B3GNT6: variants seen among roughly 807,000 people sequenced by gnomAD.
B3GNT6 encodes acetylgalactosaminyl-O-glycosyl-glycoprotein beta-1,3-N-acetylglucosaminyltransferase.
For synonymous variants in B3GNT6, 300 were observed against 270.0 expected (o/e 1.11, Z -1.09); for missense variants, 624 against 568.6 (o/e 1.10, Z -0.99).
chr11:77,039,942 G>T lies in B3GNT6; in HGVS notation c.391G>T (p.Glu131Ter), dbSNP rs1363113882. The change falls in exon 2 of 2, where the codon GAG becomes TAG. Residue 131 changes from glutamate (E) to a stop codon, truncating the protein, a stop_gained. Transcript: ENST00000622824. LOFTEE classifies it low-confidence loss of function (END_TRUNC). ...GGTGAAGTCGGCGCCTGAGCACTAC[G>T]AGCGACGCGAGCTCATCCGGCGCAC... ...LAVKSAPEHY[E>*]RRELIRRTWG... 1.9e-6 allele frequency: 3 copies of T among 1,592,154 alleles called. 1 individual carries two copies. In the South Asian group the frequency reaches 3.3e-5, roughly 18 times the overall value.
At position 77,039,853 on chromosome 11, in the gene B3GNT6, T is replaced by G; in HGVS notation, c.302T>G (p.Phe101Cys). Reference protein sequence around the residue: ...DFLRYRHCRHFPLLWDAPAKC... With the variant: ...DFLRYRHCRHCPLLWDAPAKC... ...CTGCGGTACCGCCACTGCCGCCACT[T>G]CCCGCTGCTTTGGGACGCACCGGCC... Residue 101 changes from phenylalanine (F) to cysteine (C), a missense_variant, in exon 2 of 2, where the codon TTC (phenylalanine) becomes TGC (cysteine). Coordinates refer to ENST00000622824, the MANE Select transcript of B3GNT6 (RefSeq NM_138706.5). 1 of 1,585,408 alleles carries G rather than the reference T, an allele frequency of 6.3e-7. No homozygotes were observed. The highest frequency in any genetic ancestry group is 8.5e-7 in the Non-Finnish European group (1 of 1,173,332).
At position 77,039,675 on chromosome 11, in the gene B3GNT6, T is replaced by G; in HGVS notation, c.124T>G (p.Ser42Ala). 1 of 1,611,946 alleles carries G rather than the reference T, an allele frequency of 6.2e-7. No individual in the cohort carries two copies. Among genetic ancestry groups the G allele is most frequent in the Non-Finnish European group, 8.5e-7 (1 of 1,179,452 alleles). Residue 42 changes from serine to alanine, a missense_variant, in exon 2 of 2, where the codon TCC becomes GCC. Physicochemically the swap from Ser to Ala is moderately conservative, Grantham distance 99. Transcript: ENST00000622824. ...QAPRSPREER[S>A]PQEETPEGPT... Reference sequence around the variant, plus strand: ...GCCAAGGTCCCCGCGGGAGGAGAGGTCCCCGCAGGAGGAGACGCCAGAGGG... The same window carrying G: ...GCCAAGGTCCCCGCGGGAGGAGAGGGCCCCGCAGGAGGAGACGCCAGAGGG...
chr11:77,040,840 G>A lies in B3GNT6; in HGVS notation c.*134G>A. 7.4e-7 allele frequency: 1 copy of A among 1,358,764 alleles called. No homozygotes were observed. The highest frequency in any genetic ancestry group is 9.6e-7 in the Non-Finnish European group (1 of 1,046,326). The allele number at this position is 1,358,764 out of a possible 1,614,324, so 84.2% of individuals were successfully genotyped here. A position where few individuals can be genotyped will look rare whatever the true frequency, so the allele number is the denominator to read the frequency against. The stretch of plus-strand genomic sequence containing the variant: ...CCAGCTGCGCACTGAAATCAGCTGG[G>A]GTGGGGGGTGTGGAAAATGCCTACA... On this transcript the variant is annotated 3_prime_UTR_variant, in exon 2 of 2. Coordinates refer to ENST00000622824, the MANE Select transcript of B3GNT6 (RefSeq NM_138706.5).
chr11:77,037,846 C>G (rs192915952), intron 1 of B3GNT6, among the ~76,000 whole-genome samples: 1 of 135,948 alleles, frequency 7.4e-6, no homozygotes, highest in African/African-American at 2.8e-5. Context: ...CTGGGAAGTG[C>G]GGACTGCAGT....
rs368100863 is a variant in B3GNT6, at chr11:77,040,291, C to G, written c.740C>G (p.Ser247Cys). Residue 247 changes from serine (S) to cysteine (C), a missense_variant, in exon 2 of 2, where the codon TCC becomes TGC. Ser to Cys is a moderately radical substitution (Grantham distance 112, BLOSUM62 -1). Coordinates refer to ENST00000622824, the MANE Select transcript of B3GNT6 (RefSeq NM_138706.5). ...CAGCCACCCGGCCGCCACCTGTTCT[C>G]CGGCCAGCTCATGGAGGGCTCCGTG... The part of the protein sequence containing the change: ...QAQPPGRHLF[S>C]GQLMEGSVPI... 46 of 1,590,774 alleles carry G rather than the reference C, an allele frequency of 2.9e-5. No individual in the cohort carries two copies. The highest frequency in any genetic ancestry group is 1.8e-4 in the South Asian group (16 of 89,560).
chr11:77,036,732 T>A (rs182189120), intron 1 of B3GNT6, among the ~76,000 whole-genome samples: 20 of 152,308 alleles, frequency 1.3e-4, no homozygotes, highest in African/African-American at 4.8e-4. Context: ...GGCAGTGGAA[T>A]TTGAATCCAG....
At chr11:77,038,806 G>C (rs782021620) in intron 1 of B3GNT6, among the ~76,000 whole-genome samples, 1 of 152,126 alleles carries the variant, frequency 6.6e-6, no homozygotes, top group African/African-American at 2.4e-5. Context: ...GGCAGAGCTA[G>C]AGGATGCCGT....
intron 1 of B3GNT6, among the ~76,000 whole-genome samples, chr11:77,035,329 G>C (rs1255704568): frequency 2.0e-5 from 3 of 152,202 alleles, no homozygotes; most frequent in Non-Finnish European, 2.9e-5. Flanking sequence ...TCCTGTGTTA[G>C]CCAACTGCTA....
At position 77,040,696 on chromosome 11, in the gene B3GNT6, G is replaced by C; in HGVS notation, c.1145G>C (p.Arg382Pro). The C allele has an allele frequency of 1.3e-6, 2 of 1,578,410 alleles. No homozygotes were observed. The highest frequency in any genetic ancestry group is 1.7e-6 in the Non-Finnish European group (2 of 1,167,386). Reference protein sequence around the residue: ...SPALSCDRGHRVS With the variant: ...SPALSCDRGHPVS ...GCGCTCAGCTGTGACCGGGGACACCGGGTCTCCTGAGGCCAGTTGGGCGGC... is the reference window on the plus strand; with the variant it reads ...GCGCTCAGCTGTGACCGGGGACACCCGGTCTCCTGAGGCCAGTTGGGCGGC... The change falls in exon 2 of 2, where the codon CGG (arginine) becomes CCG (proline). Residue 382 changes from arginine (R) to proline (P), a missense_variant. Physicochemically the swap from Arg to Pro is moderately radical, Grantham distance 103 (BLOSUM62 -2). Coordinates refer to ENST00000622824, the MANE Select transcript of B3GNT6 (RefSeq NM_138706.5).
At position 77,040,239 on chromosome 11, in the gene B3GNT6, G is replaced by A. The variant is rs782692000; in HGVS notation, c.688G>A (p.Ala230Thr). 8.1e-6 allele frequency: 13 copies of A among 1,598,904 alleles called. No individual in the cohort carries two copies. The highest frequency in any genetic ancestry group is 4.4e-5 in the South Asian group (4 of 90,972). The change falls in exon 2 of 2, where the codon GCC (alanine) becomes ACC (threonine). Residue 230 changes from alanine (A) to threonine (T), a missense_variant. By Grantham distance (58) the Ala-to-Thr change is moderately conservative. Coordinates refer to ENST00000622824, the MANE Select transcript of B3GNT6 (RefSeq NM_138706.5). Reference sequence around the variant, plus strand: ...CGACGACGACGTGTTCGTGCACACCGCCAACGTAGTCCGCTTCCTGCAGGC... The same window carrying A: ...CGACGACGACGTGTTCGTGCACACCACCAACGTAGTCCGCTTCCTGCAGGC... ...SGDDDVFVHT[A>T]NVVRFLQAQP...
intron 1 of B3GNT6, among the ~76,000 whole-genome samples, chr11:77,036,183 G>A (rs1418333773): frequency 2.0e-5 from 3 of 152,036 alleles, no homozygotes; most frequent in Non-Finnish European, 2.9e-5. Flanking sequence ...TTCCCCAAAT[G>A]TGCCAGGCAC....
rs782064366 is a variant in B3GNT6, at chr11:77,040,546, T to G, written c.995T>G (p.Phe332Cys). 9 of 1,576,742 alleles carry G rather than the reference T, an allele frequency of 5.7e-6. No individual in the cohort carries two copies. Among genetic ancestry groups the G allele is most frequent in the Non-Finnish European group, 7.7e-6 (9 of 1,168,922 alleles). Residue 332 changes from phenylalanine (F) to cysteine (C), a missense_variant, in exon 2 of 2, where the codon TTC becomes TGC. Coordinates refer to ENST00000622824, the MANE Select transcript of B3GNT6 (RefSeq NM_138706.5). ...AGCGGCCACGAGGGCATCCGACCCTTCGGCGTGCAGCTGCCTGGCGCACAG... is the reference window on the plus strand; with the variant it reads ...AGCGGCCACGAGGGCATCCGACCCTGCGGCGTGCAGCTGCCTGGCGCACAG... ...APSGHEGIRPFGVQLPGAQQS... is the reference protein window; with the variant it reads ...APSGHEGIRPCGVQLPGAQQS...
chr11:77,036,688 C>T (rs1949635361), intron 1 of B3GNT6, among the ~76,000 whole-genome samples: 1 of 152,312 alleles, frequency 6.6e-6, no homozygotes, highest in East Asian at 1.9e-4. Context: ...GAGCTTAAGT[C>T]AACGTGCTCA....
rs1555027701 is a variant in B3GNT6 at position 77,040,336 on chromosome 11, G to A, written c.785G>A (p.Ser262Asn). The change falls in exon 2 of 2, where the codon AGC becomes AAC. Residue 262 changes from serine to asparagine, a missense_variant. Ser to Asn is a conservative substitution (Grantham distance 46). Coordinates refer to ENST00000622824, the MANE Select transcript of B3GNT6 (RefSeq NM_138706.5). ...TCCGTGCCCATCCGCGACAGCTGGA[G>A]CAAGTACTTCGTGCCGCCGCAGCTC... ...EGSVPIRDSW[S>N]KYFVPPQLFP... is the part of the protein sequence containing the mutation. The A allele has an allele frequency of 7.1e-6, 11 of 1,558,260 alleles. No individual in the cohort carries two copies. Among genetic ancestry groups the A allele is most frequent in the African/African-American group, 1.4e-5 (1 of 73,764 alleles).
At chr11:77,036,548 A>C (rs782539495) in intron 1 of B3GNT6, among the ~76,000 whole-genome samples, 29 of 152,230 alleles carry the variant, frequency 1.9e-4, no homozygotes, top group Non-Finnish European at 3.7e-4. Context: ...CTTTCAGCAA[A>C]TATTTATCGG....
At chr11:77,039,065 A>G (rs1373477364) in intron 1 of B3GNT6, among the ~76,000 whole-genome samples, 1 of 152,140 alleles carries the variant, frequency 6.6e-6, no homozygotes, top group Non-Finnish European at 1.5e-5. Flanking sequence ...TCGGGAGGCA[A>G]CGAGGGGAAG....
At chr11:77,035,940 G>C (rs1455236337) in intron 1 of B3GNT6, among the ~76,000 whole-genome samples, 2 of 152,166 alleles carry the variant, frequency 1.3e-5, no homozygotes, top group East Asian at 3.8e-4. Context: ...GAAATGATGG[G>C]GGATGCTTAA....
In B3GNT6 at chr11:77,041,227, C is replaced by G. The variant is rs1771225914; in HGVS notation, c.*521C>G. 6.5e-6 allele frequency: 1 copy of G among 153,910 alleles called. No individual in the cohort carries two copies. Among genetic ancestry groups the G allele is most frequent in the South Asian group, 2.1e-4 (1 of 4,852 alleles). 9.5% of individuals were successfully genotyped at this position (153,910 alleles called of 1,614,324 possible). A position where few individuals can be genotyped will look rare whatever the true frequency, so the allele number is the denominator to read the frequency against. Reference sequence around the variant, plus strand: ...TCAGGTGGATCCCGCTTCCCCCTCCCCCAAGAAGTCAGCCAACACGCAGCT... The same window carrying G: ...TCAGGTGGATCCCGCTTCCCCCTCCGCCAAGAAGTCAGCCAACACGCAGCT... On this transcript the variant is annotated 3_prime_UTR_variant, in exon 2 of 2. Transcript: ENST00000622824.
In B3GNT6 at chr11:77,041,793, T is replaced by C. The variant is rs1405298289; in HGVS notation, c.*1087T>C. 2 of 152,072 alleles carry C rather than the reference T, an allele frequency of 1.3e-5. No individual in the cohort carries two copies. Among genetic ancestry groups the C allele is most frequent in the Non-Finnish European group, 2.9e-5 (2 of 68,138 alleles). The allele number at this position is 152,072 out of a possible 1,614,324, so 9.4% of individuals were successfully genotyped here. On this transcript the variant is annotated 3_prime_UTR_variant, in exon 2 of 2. Transcript: ENST00000622824. ...CCAATATGGTGAAACCCCGTCTCTA[T>C]TGGGAGTACAAAAATTAGCCGGCCA...
Sources: gnomAD v4.1 joint callset for allele counts (sites outside exome capture counted in the v4.1 genomes callset) on GRCh38, gnomAD v4.1.1 for gene constraint, MANE v1.5 for transcripts, NCBI Gene and HGNC (gene_info 2026-07-23, HGNC 2026-07-21) for gene names.